RPTOR: variants seen among roughly 807,000 people sequenced by gnomAD.
The protein encoded by RPTOR is regulatory-associated protein of mTOR.
RPTOR carries 21 observed loss-of-function variants against 169.9 expected under a neutral mutation model. The ratio of observed to expected loss-of-function variants is 0.12; its 90% CI spans 0.09 to 0.18. The LOEUF is 0.18. RPTOR is among the 10% of genes least tolerant of loss of function. The probability of loss-of-function intolerance (pLI) is 1.00; values close to 1 mark genes in which losing one functional copy is unlikely to be tolerated. For synonymous variants in RPTOR, 732 were observed against 753.2 expected, an observed-to-expected ratio of 0.97 and a Z score of 0.46; for missense variants, 1,133 against 1,855.9, an observed-to-expected ratio of 0.61 and a Z score of 7.16.
chr17:80,666,214 G>T (rs930547810), intron 3 of RPTOR, among the ~76,000 whole-genome samples: 1 of 150,138 alleles, frequency 6.7e-6, no homozygotes. Context: ...CTTTCTCCTT[G>T]ATATTATCTA....
At chr17:80,766,797 A>T (rs1490640973) in intron 6 of RPTOR, among the ~76,000 whole-genome samples, 1 of 151,900 alleles carries the variant, frequency 6.6e-6, no homozygotes, top group Non-Finnish European at 1.5e-5. Flanking sequence ...TAATTAAAAA[A>T]CTCTCAAATG....
At chr17:80,705,243 C>T (rs1186906136) in intron 3 of RPTOR, among the ~76,000 whole-genome samples, 2 of 152,268 alleles carry the variant, frequency 1.3e-5, no homozygotes, top group South Asian at 2.1e-4. Flanking sequence ...AAGTCTCCTT[C>T]GTGACTCTGC....
intron 11 of RPTOR, among the ~76,000 whole-genome samples, chr17:80,850,375 G>A (rs547406935): frequency 4.6e-5 from 7 of 152,342 alleles, no homozygotes; most frequent in African/African-American, 1.7e-4. Context: ...CCATGTTGAT[G>A]CAACAGACAC....
intron 24 of RPTOR, among the ~76,000 whole-genome samples, chr17:80,930,431 TCATCCC>T (rs199801557): frequency 0.073 from 1,493 of 20,336 alleles, 1 homozygote; most frequent in Middle Eastern, 0.17. Context: ...CAGCTCATCC[TCATCCC>T]CAGCTCATCC....
chr17:80,608,744 C>G (rs1221849279), intron 1 of RPTOR, among the ~76,000 whole-genome samples: 1 of 152,244 alleles, frequency 6.6e-6, no homozygotes, highest in East Asian at 1.9e-4. Context: ...GCGCTGAGGC[C>G]CACCCGCAGT....
At chr17:80,912,706 C>A (rs144287249) in intron 21 of RPTOR, among the ~76,000 whole-genome samples, 2 of 152,198 alleles carry the variant, frequency 1.3e-5, no homozygotes, top group African/African-American at 2.4e-5. Flanking sequence ...GCCCGCCCCC[C>A]TCTCCCACCA....
At chr17:80,963,080 G>T (rs764891220) in intron 33 of RPTOR, 23 bp downstream of exon 33, 2 of 1,378,504 alleles carry the variant, frequency 1.5e-6, no homozygotes, top group Non-Finnish European at 2.0e-6. Flanking sequence ...GTGGGTGGGG[G>T]TCGGGGGTCG....
At chr17:80,620,555 A>G (rs1317865832) in intron 1 of RPTOR, among the ~76,000 whole-genome samples, 1 of 152,234 alleles carries the variant, frequency 6.6e-6, no homozygotes, top group Non-Finnish European at 1.5e-5. Context: ...ACCCGAGGTC[A>G]GGAGTTCAAG....
intron 5 of RPTOR, among the ~76,000 whole-genome samples, chr17:80,749,820 C>T (rs982833306): frequency 2.4e-4 from 36 of 152,138 alleles, no homozygotes; most frequent in African/African-American, 7.5e-4. Context: ...CCAAGGGATC[C>T]TCCCACCTCG....
chr17:80,808,825 A>T (rs2067244564), intron 7 of RPTOR, among the ~76,000 whole-genome samples: 1 of 152,146 alleles, frequency 6.6e-6, no homozygotes, highest in Non-Finnish European at 1.5e-5. Context: ...TGCCTTTGAG[A>T]TGTCTCCTTG....
chr17:80,623,789 G>A (rs953291464), intron 1 of RPTOR, among the ~76,000 whole-genome samples: 12 of 152,166 alleles, frequency 7.9e-5, no homozygotes, highest in African/African-American at 2.4e-4. Context: ...GCCCGCCTTG[G>A]CCTCCCAAAG....
chr17:80,596,050 C>T (rs1215577738), intron 1 of RPTOR, among the ~76,000 whole-genome samples: 1 of 152,238 alleles, frequency 6.6e-6, no homozygotes, highest in Non-Finnish European at 1.5e-5. Flanking sequence ...CTAGATTGAA[C>T]GTGCTTATTA....
At chr17:80,792,985 A>C (rs922945540) in intron 7 of RPTOR, among the ~76,000 whole-genome samples, 2 of 152,256 alleles carry the variant, frequency 1.3e-5, no homozygotes, top group Admixed American at 1.3e-4. Flanking sequence ...TTTTTAATGA[A>C]TTAAAAAAAA....
At chr17:80,870,428 CAA>C (rs752801610) in intron 13 of RPTOR, among the ~76,000 whole-genome samples, 4 of 152,234 alleles carry the variant, frequency 2.6e-5, no homozygotes, top group African/African-American at 7.2e-5. Context: ...GTTTTCTCTG[CAA>C]AGTCGTTTCA....
intron 6 of RPTOR, among the ~76,000 whole-genome samples, chr17:80,789,410 C>A (rs2067025161): frequency 6.6e-6 from 1 of 152,156 alleles, no homozygotes. Context: ...CAGATGTGAT[C>A]AAGCCCTGTA....
chr17:80,700,989 G>T (rs549191513), intron 3 of RPTOR, among the ~76,000 whole-genome samples: 43 of 152,216 alleles, frequency 2.8e-4, no homozygotes, highest in Middle Eastern at 3.4e-3. Context: ...AATGGAAAGG[G>T]TGAAAGACAA....
At chr17:80,728,682 T>G (rs767880633) in intron 4 of RPTOR, among the ~76,000 whole-genome samples, 103 of 152,294 alleles carry the variant, frequency 6.8e-4, no homozygotes, top group Non-Finnish European at 1.1e-3. Flanking sequence ...ATCTTTAATA[T>G]CTGGCAGTGT....
Position 80,579,733 on chromosome 17 carries a change from GA to G in RPTOR, c.162+33947del, listed in dbSNP as rs540037485. Among the ~76,000 whole-genome samples, 316 of 152,302 alleles carry G rather than the reference GA, an allele frequency of 2.1e-3. 2 individuals carry two copies. Among genetic ancestry groups the G allele is most frequent in the African/African-American group, 7.4e-3 (306 of 41,566 alleles). On this transcript the variant is annotated intron_variant, in intron 1 of 33. Coordinates refer to ENST00000306801, the MANE Select transcript of RPTOR (RefSeq NM_020761.3). ...CGAGGGGTCTGGGATCCATGTAAAT[GA>G]AAAAGTTCAACCTTTTTTGTAAGCC... is the stretch of plus-strand genomic sequence containing the variant.
chr17:80,733,306 A>G (rs528688397), intron 5 of RPTOR, among the ~76,000 whole-genome samples: 1 of 152,366 alleles, frequency 6.6e-6, no homozygotes, highest in South Asian at 2.1e-4. Context: ...TTGTAATTTA[A>G]AAATTAAGGA....
Sources: gnomAD v4.1 joint callset for allele counts (sites outside exome capture counted in the v4.1 genomes callset) on GRCh38, gnomAD v4.1.1 for gene constraint, MANE v1.5 for transcripts, NCBI Gene and HGNC (gene_info 2026-07-23, HGNC 2026-07-21) for gene names.